The following CNTLN variants were observed in gnomAD, a reference collection of about 807,000 sequenced individuals.
CNTLN encodes the protein centlein, also known as centlein, centrosomal protein.
A neutral mutation model predicts 180.0 loss-of-function variants in CNTLN; 212 were observed. The observed-to-expected ratio is 1.18, with a 90% CI of 1.05 to 1.32. CNTLN has a LOEUF of 1.32. Among genes scored for constraint, CNTLN ranks in the 40% most tolerant of loss-of-function variants. The pLI is 0.00. For missense variants in CNTLN, 2,095 were observed against 1,610.9 expected, an observed-to-expected ratio of 1.30 and a Z score of -5.14; for synonymous variants, 722 against 563.1, an observed-to-expected ratio of 1.28 and a Z score of -3.99.
chr9:17,242,573 A>C (rs1391198819), intron 5 of CNTLN, among the ~76,000 whole-genome samples: 1 of 152,124 alleles, frequency 6.6e-6, no homozygotes, highest in Non-Finnish European at 1.5e-5. Context: ...AGCCTCCCAA[A>C]GTGCTGGGAT....
chr9:17,365,888 G>T (rs532112442), intron 12 of CNTLN, among the ~76,000 whole-genome samples: 2 of 152,290 alleles, frequency 1.3e-5, no homozygotes, highest in South Asian at 2.1e-4. Flanking sequence ...AGGGGCTGCA[G>T]TAAGCCACGA....
the CNTLN span, among the ~76,000 whole-genome samples, chr9:17,511,892 T>G: frequency 6.6e-6 from 1 of 151,982 alleles, no homozygotes; most frequent in Admixed American, 6.6e-5. Context: ...TTTGTGAAGG[T>G]TTAGGGGAGG....
chr9:17,358,447 G>T (rs1346054592), intron 12 of CNTLN, among the ~76,000 whole-genome samples: 1 of 152,050 alleles, frequency 6.6e-6, no homozygotes, highest in Non-Finnish European at 1.5e-5. Flanking sequence ...TTTTGTAGAT[G>T]TATATGTAGA....
At chr9:17,316,873 G>A (rs1012897020) in intron 8 of CNTLN, among the ~76,000 whole-genome samples, 3 of 152,070 alleles carry the variant, frequency 2.0e-5, no homozygotes, top group Admixed American at 6.5e-5. Context: ...AGAAATTCAT[G>A]TGAACTTAAT....
At chr9:17,379,824 A>T (rs1825079697) in intron 13 of CNTLN, among the ~76,000 whole-genome samples, 1 of 152,184 alleles carries the variant, frequency 6.6e-6, no homozygotes, top group African/African-American at 2.4e-5. Flanking sequence ...TCATCCAAAA[A>T]AACTCATTGC....
chr9:17,427,240 C>T (rs953612588), intron 18 of CNTLN, among the ~76,000 whole-genome samples: 5 of 151,362 alleles, frequency 3.3e-5, no homozygotes, highest in Admixed American at 2.0e-4. Flanking sequence ...CTGCTGGCTG[C>T]TCTCTATAGG....
chr9:17,483,209 T>C (rs1040812594), intron 23 of CNTLN, among the ~76,000 whole-genome samples: 1 of 152,184 alleles, frequency 6.6e-6, no homozygotes, highest in African/African-American at 2.4e-5. Context: ...AATATAATTA[T>C]TTCTTAAGGC....
At chr9:17,338,337 G>GTTTTTTTTTTTT (rs71331486) in intron 10 of CNTLN, among the ~76,000 whole-genome samples, 20 of 100,432 alleles carry the variant, frequency 2.0e-4, no homozygotes, top group Admixed American at 4.3e-4. Flanking sequence ...GCTAATTTTT[G>GTTTTTTTTTTTT]TTTTTTTTTT....
In CNTLN at chr9:17,338,337, G is replaced by GTTTTTGTT. The variant is rs1554691995; in HGVS notation, c.1645-2485_1645-2484insGTTTTTTT. On this transcript the variant is annotated intron_variant, in intron 10 of 25. Transcript: ENST00000380647. ...CTGCTATCACTCCTGGCTAATTTTT[G>GTTTTTGTT]TTTTTTTTTTTTTTTTTTAGAGATG... is the stretch of plus-strand genomic sequence containing the variant. Among the ~76,000 whole-genome samples the GTTTTTGTT allele has an allele frequency of 4.0e-5, 4 of 100,436 alleles. 1 individual carries two copies. Among genetic ancestry groups the GTTTTTGTT allele is most frequent in the Non-Finnish European group, 7.3e-5 (4 of 54,720 alleles). The allele number at this position is 100,436 out of a possible 152,430, so 65.9% of individuals were successfully genotyped here. A position where few individuals can be genotyped will look rare whatever the true frequency, so the allele number is the denominator to read the frequency against.
chr9:17,190,181 A>G (rs1436219781), intron 2 of CNTLN, among the ~76,000 whole-genome samples: 1 of 148,140 alleles, frequency 6.8e-6, no homozygotes, highest in African/African-American at 2.5e-5. Context: ...CAATCATAGA[A>G]CTTACTTCAT....
intron 23 of CNTLN, among the ~76,000 whole-genome samples, chr9:17,470,214 G>A (rs570828738): frequency 6.6e-6 from 1 of 151,726 alleles, no homozygotes; most frequent in Non-Finnish European, 1.5e-5. Flanking sequence ...ATTGATTTAC[G>A]TCTGCTTCAA....
chr9:17,248,766 C>T (rs1825953003), intron 5 of CNTLN, among the ~76,000 whole-genome samples: 1 of 151,436 alleles, frequency 6.6e-6, no homozygotes, highest in Non-Finnish European at 1.5e-5. Flanking sequence ...ATTATGCAAA[C>T]CTGAACGGAC....
intron 13 of CNTLN, among the ~76,000 whole-genome samples, chr9:17,381,736 G>A (rs1825270458): frequency 6.6e-6 from 1 of 152,144 alleles, no homozygotes; most frequent in South Asian, 2.1e-4. Context: ...CTATCAGCTG[G>A]GATAACTGTG....
Position 17,135,076 on chromosome 9 carries a change from G to C in CNTLN, c.11G>C (p.Arg4Pro). 1.3e-6 allele frequency: 2 copies of C among 1,598,296 alleles called. No homozygotes were observed. The highest frequency in any genetic ancestry group is 1.1e-5 in the South Asian group (1 of 89,602). The change falls in exon 1 of 26, where the codon CGT becomes CCT. Residue 4 changes from arginine to proline, a missense_variant. Physicochemically the swap from Arg to Pro is moderately radical, Grantham distance 103. Coordinates refer to ENST00000380647, the MANE Select transcript of CNTLN (RefSeq NM_017738.4). MAA[R>P]SPPSPHPSPP... ...TTAGCAGCCGCAGCCATGGCGGCGC[G>C]TTCGCCTCCCTCACCGCACCCTTCG... is the stretch of plus-strand genomic sequence containing the variant.
At chr9:17,460,053 T>A (rs1326043312) in intron 19 of CNTLN, among the ~76,000 whole-genome samples, 1 of 151,778 alleles carries the variant, frequency 6.6e-6, no homozygotes, top group Admixed American at 6.6e-5. Context: ...TAGATTCGAA[T>A]ATACTAAAAG....
chr9:17,445,872 G>A (rs2134076447), intron 18 of CNTLN, among the ~76,000 whole-genome samples: 1 of 152,214 alleles, frequency 6.6e-6, no homozygotes, highest in South Asian at 2.1e-4. Flanking sequence ...GCCTGTCCCT[G>A]GGCAATGGAA....
intron 12 of CNTLN, among the ~76,000 whole-genome samples, chr9:17,357,583 T>C (rs1345951807): frequency 2.8e-5 from 3 of 109,052 alleles, no homozygotes; most frequent in Non-Finnish European, 5.7e-5. Context: ...ATACTACATA[T>C]ATATATATAT....
chr9:17,326,622 C>G (rs1237651723), intron 8 of CNTLN, among the ~76,000 whole-genome samples: 1 of 152,130 alleles, frequency 6.6e-6, no homozygotes, highest in Non-Finnish European at 1.5e-5. Context: ...AGTAGCTTTA[C>G]AAGTGGAGTA....
chr9:17,228,308 CT>C (rs2132099899), intron 3 of CNTLN, among the ~76,000 whole-genome samples: 1 of 152,028 alleles, frequency 6.6e-6, no homozygotes, highest in East Asian at 1.9e-4. Context: ...CATTATTTAT[CT>C]TTTGAGTGGA....
Sources: gnomAD v4.1 joint callset for allele counts (sites outside exome capture counted in the v4.1 genomes callset) on GRCh38, gnomAD v4.1.1 for gene constraint, MANE v1.5 for transcripts, NCBI Gene and HGNC (gene_info 2026-07-23, HGNC 2026-07-21) for gene names.